The following TMTC2 variants were observed in gnomAD, a reference collection of about 807,000 sequenced individuals.
TMTC2 encodes the protein transmembrane O-mannosyltransferase targeting cadherins 2, also known as protein O-mannosyl-transferase TMTC2.
A neutral mutation model predicts 82.4 loss-of-function variants in TMTC2; 43 were observed. The ratio of observed to expected loss-of-function variants is 0.52; its 90% CI spans 0.41 to 0.67. TMTC2 has a LOEUF of 0.67. Among genes scored for constraint, TMTC2 ranks in the 30% least tolerant of loss-of-function variants. TMTC2 has a pLI of 0.00. For missense variants in TMTC2, 919 were observed against 1,012.4 expected (o/e 0.91, Z 1.25); for synonymous variants, 408 against 381.9 (o/e 1.07, Z -0.80).
chr12:83,074,282 G>A (rs546475144), intron 11 of TMTC2, among the ~76,000 whole-genome samples: 6 of 152,218 alleles, frequency 3.9e-5, no homozygotes, highest in Non-Finnish European at 5.9e-5. Flanking sequence ...ACCAGGCTCC[G>A]TGCTGGTACT....
chr12:82,960,627 A>G (rs1592658541), intron 4 of TMTC2, among the ~76,000 whole-genome samples: 1 of 152,016 alleles, frequency 6.6e-6, no homozygotes, highest in South Asian at 2.1e-4. Context: ...TTACTAAAGC[A>G]GAGAGGGAGG....
intron 1 of TMTC2, among the ~76,000 whole-genome samples, chr12:82,763,448 A>G (rs1045783567): frequency 6.6e-6 from 1 of 152,228 alleles, no homozygotes; most frequent in African/African-American, 2.4e-5. Context: ...CAACCACCCC[A>G]GTGATTGTGA....
intron 8 of TMTC2, among the ~76,000 whole-genome samples, chr12:82,989,588 G>T (rs935081109): frequency 6.7e-6 from 1 of 149,380 alleles, no homozygotes; most frequent in South Asian, 2.1e-4. Context: ...AGTTAGAAAA[G>T]AAAAAAAAAT....
chr12:83,084,404 T>C (rs1327451381), intron 11 of TMTC2, among the ~76,000 whole-genome samples: 1 of 152,220 alleles, frequency 6.6e-6, no homozygotes, highest in Non-Finnish European at 1.5e-5. Flanking sequence ...AGAAGCTTTT[T>C]ATTTCCCTCA....
intron 1 of TMTC2, among the ~76,000 whole-genome samples, chr12:82,708,666 C>G (rs1565716523): frequency 6.6e-6 from 1 of 152,310 alleles, no homozygotes; most frequent in East Asian, 1.9e-4. Flanking sequence ...GCTGTTTCAT[C>G]TCAGAATGGC....
At chr12:83,036,915 T>C (rs1369721400) in intron 9 of TMTC2, among the ~76,000 whole-genome samples, 1 of 152,008 alleles carries the variant, frequency 6.6e-6, no homozygotes, top group Non-Finnish European at 1.5e-5. Context: ...CATCCAGGCT[T>C]TATAAGAACT....
intron 6 of TMTC2, among the ~76,000 whole-genome samples, chr12:82,966,467 TA>T (rs915566052): frequency 5.6e-4 from 86 of 152,276 alleles, no homozygotes; most frequent in African/African-American, 2.0e-3. Flanking sequence ...ATACAACTTT[TA>T]AAATAATTGC....
chr12:82,792,038 C>A (rs917991939), intron 1 of TMTC2, among the ~76,000 whole-genome samples: 3 of 152,122 alleles, frequency 2.0e-5, no homozygotes, highest in Non-Finnish European at 4.4e-5. Context: ...TTCTTACCCA[C>A]CTGCTTGGGA....
At chr12:82,731,944 C>G (rs1230745714) in intron 1 of TMTC2, among the ~76,000 whole-genome samples, 3 of 152,150 alleles carry the variant, frequency 2.0e-5, no homozygotes, top group African/African-American at 7.2e-5. Context: ...CCTTTTCTTT[C>G]TCCTTGCTTG....
At chr12:82,906,240 G>T (rs1325805768) in intron 3 of TMTC2, among the ~76,000 whole-genome samples, 1 of 152,140 alleles carries the variant, frequency 6.6e-6, no homozygotes, top group Non-Finnish European at 1.5e-5. Flanking sequence ...ATGATGAGTT[G>T]TAATTAACCA....
intron 11 of TMTC2, among the ~76,000 whole-genome samples, chr12:83,117,959 A>T (rs1185282290): frequency 1.3e-5 from 2 of 151,534 alleles, no homozygotes; most frequent in Non-Finnish European, 2.9e-5. Flanking sequence ...TCTTGATTTG[A>T]TTCTCAGCTT....
chr12:82,791,648 T>C (rs1176792371), intron 1 of TMTC2, among the ~76,000 whole-genome samples: 1 of 152,186 alleles, frequency 6.6e-6, no homozygotes, highest in Non-Finnish European at 1.5e-5. Flanking sequence ...GATTATTCTA[T>C]AGGCCAGAAG....
chr12:82,818,568 T>G (rs1868889216), intron 1 of TMTC2, among the ~76,000 whole-genome samples: 1 of 152,162 alleles, frequency 6.6e-6, no homozygotes, highest in Non-Finnish European at 1.5e-5. Context: ...TGTGTTTATT[T>G]CCTGTGTAAA....
Position 82,924,131 on chromosome 12 carries a change from AC to A in TMTC2, c.1484-6299del, listed in dbSNP as rs1263392284. Among the ~76,000 whole-genome samples the A allele has an allele frequency of 2.0e-5, 3 of 152,344 alleles. No individual in the cohort carries two copies. The South Asian group carries it at 6.2e-4, about 32-fold the overall frequency. On this transcript the variant is annotated intron_variant, in intron 3 of 11. Coordinates refer to ENST00000321196, the MANE Select transcript of TMTC2 (RefSeq NM_152588.3). Reference sequence around the variant, plus strand: ...TGTCAATGCCCTTCAGCCAAAGACCACTAGGGCCACACCTGAAGTAAAAGTT... The same window carrying A: ...TGTCAATGCCCTTCAGCCAAAGACCATAGGGCCACACCTGAAGTAAAAGTT...
intron 7 of TMTC2, among the ~76,000 whole-genome samples, chr12:82,977,903 GC>G (rs1878751601): frequency 6.6e-6 from 1 of 151,666 alleles, no homozygotes; most frequent in Admixed American, 6.6e-5. Context: ...GGGAAAATTG[GC>G]ATAGTTTTAT....
chr12:82,896,983 T>G (rs939834023), intron 3 of TMTC2, among the ~76,000 whole-genome samples: 2 of 152,208 alleles, frequency 1.3e-5, no homozygotes, highest in African/African-American at 2.4e-5. Context: ...TAGGTACAGC[T>G]CTTTTATCAT....
chr12:82,702,211 A>G (rs1366850871), intron 1 of TMTC2, among the ~76,000 whole-genome samples: 2 of 152,246 alleles, frequency 1.3e-5, no homozygotes, highest in East Asian at 1.9e-4. Context: ...ACAATAAACC[A>G]TATCAACCAA....
intron 1 of TMTC2, among the ~76,000 whole-genome samples, chr12:82,784,633 A>G (rs1335636279): frequency 1.3e-5 from 2 of 152,078 alleles, no homozygotes; most frequent in Non-Finnish European, 2.9e-5. Context: ...AGCCACCTCT[A>G]TTTGTAGGCG....
chr12:82,900,734 T>C (rs1592612500), intron 3 of TMTC2, among the ~76,000 whole-genome samples: 1 of 141,198 alleles, frequency 7.1e-6, no homozygotes, highest in African/African-American at 2.6e-5. Flanking sequence ...TAGGAATATA[T>C]ATCTCTGGAA....
Sources: allele counts gnomAD v4.1 joint callset (sites outside exome capture counted in the v4.1 genomes callset), GRCh38; gene constraint gnomAD v4.1.1; transcripts MANE v1.5; gene names NCBI Gene and HGNC (gene_info 2026-07-23, HGNC 2026-07-21).